IL1RAPL1: variants seen among roughly 807,000 people sequenced by gnomAD.
IL1RAPL1 encodes interleukin-1 receptor accessory protein-like 1.
In IL1RAPL1, 3 loss-of-function variants were observed where a neutral mutation model predicts 48.4. That is an observed-to-expected ratio of 0.06 (90% CI 0.03 to 0.16). The LOEUF (loss-of-function observed/expected upper bound fraction) is 0.16. IL1RAPL1 is among the 10% of genes least tolerant of loss of function. IL1RAPL1 has a pLI of 1.00. For missense variants in IL1RAPL1, 349 were observed against 530.6 expected, an observed-to-expected ratio of 0.66 and a Z score of 3.36; for synonymous variants, 185 against 187.7, an observed-to-expected ratio of 0.99 and a Z score of 0.12.
At chrX:29,407,996 A>G (rs1431140564) in intron 5 of IL1RAPL1, among the ~76,000 whole-genome samples, 2 of 112,095 alleles carry the variant, frequency 1.8e-5, no homozygotes, top group Non-Finnish European at 3.8e-5. Context: ...ATACATTGCC[A>G]TATCCTAGGA....
chrX:29,714,332 A>G (rs1425768481), intron 6 of IL1RAPL1, among the ~76,000 whole-genome samples: 1 of 112,206 alleles, frequency 8.9e-6, no homozygotes, highest in African/African-American at 3.2e-5. Flanking sequence ...TTGTCAAGCT[A>G]TAAGAGATTA....
intron 6 of IL1RAPL1, among the ~76,000 whole-genome samples, chrX:29,835,172 A>AT (rs1295693097): frequency 1.8e-5 from 2 of 112,138 alleles, no homozygotes; most frequent in African/African-American, 6.5e-5. Flanking sequence ...AAAGCACTTC[A>AT]TTCCCCAAAT....
intron 5 of IL1RAPL1, among the ~76,000 whole-genome samples, chrX:29,514,905 T>C (rs1316810998): frequency 3.5e-5 from 4 of 112,844 alleles, no homozygotes; most frequent in African/African-American, 1.3e-4. Context: ...TTTAATGCCA[T>C]AACCTTGATA....
At chrX:29,691,999 T>G (rs1926787850) in intron 6 of IL1RAPL1, among the ~76,000 whole-genome samples, 2 of 112,589 alleles carry the variant, frequency 1.8e-5, no homozygotes, top group Admixed American at 1.9e-4. Flanking sequence ...GTGTGTGTTT[T>G]GTATTTCATT....
chrX:29,163,880 G>T (rs1257963999), intron 2 of IL1RAPL1, among the ~76,000 whole-genome samples: 1 of 111,496 alleles, frequency 9.0e-6, no homozygotes, highest in Non-Finnish European at 1.9e-5. Context: ...AACTGGCTTT[G>T]AATATGTTTG....
At chrX:28,772,360 G>A (rs1029931655) in intron 1 of IL1RAPL1, among the ~76,000 whole-genome samples, 1 of 111,302 alleles carries the variant, frequency 9.0e-6, no homozygotes, top group African/African-American at 3.3e-5. Flanking sequence ...CTCAAAATTA[G>A]CTTTTCTGCT....
chrX:29,285,425 G>T (rs761830101), intron 3 of IL1RAPL1, among the ~76,000 whole-genome samples: 2 of 104,033 alleles, frequency 1.9e-5, no homozygotes, highest in African/African-American at 7.0e-5. Flanking sequence ...CCAGCTACTC[G>T]GGAGGCTGAG....
At chrX:29,448,021 A>G (rs181742106) in intron 5 of IL1RAPL1, among the ~76,000 whole-genome samples, 63 of 111,933 alleles carry the variant, frequency 5.6e-4, no homozygotes, top group Non-Finnish European at 3.2e-4. Flanking sequence ...AAGTACATTT[A>G]AAGTTCAGTA....
At chrX:29,166,276 T>C (rs1311653852) in intron 2 of IL1RAPL1, among the ~76,000 whole-genome samples, 1 of 112,601 alleles carries the variant, frequency 8.9e-6, no homozygotes, top group Non-Finnish European at 1.9e-5. Context: ...GTAATTATTT[T>C]AATAACTTCA....
At chrX:29,745,667 A>G (rs7880798) in intron 6 of IL1RAPL1, among the ~76,000 whole-genome samples, 55,378 of 106,999 alleles carry the variant, frequency 0.52, 11,791 homozygotes, top group African/African-American at 0.77. Flanking sequence ...GGCTGGTCTC[A>G]AACTCCTGAC....
chrX:29,140,170 C>G (rs1266116468), intron 2 of IL1RAPL1, among the ~76,000 whole-genome samples: 2 of 110,864 alleles, frequency 1.8e-5, no homozygotes, highest in African/African-American at 6.6e-5. Flanking sequence ...GGAACTAGGA[C>G]TAGAATTCAC....
intron 8 of IL1RAPL1, among the ~76,000 whole-genome samples, chrX:29,921,508 C>T (rs1932848045): frequency 1.8e-5 from 2 of 111,980 alleles, no homozygotes. Flanking sequence ...GAAAGGTATG[C>T]AGCAGCTAAC....
chrX:28,718,297 T>A (rs770547270), intron 1 of IL1RAPL1, among the ~76,000 whole-genome samples: 1 of 111,950 alleles, frequency 8.9e-6, no homozygotes, highest in Non-Finnish European at 1.9e-5. Context: ...ATGTTCTTTA[T>A]TCATTTTTCA....
At chrX:29,029,679 C>T (rs1224043655) in intron 2 of IL1RAPL1, among the ~76,000 whole-genome samples, 1 of 111,660 alleles carries the variant, frequency 9.0e-6, no homozygotes, top group Non-Finnish European at 1.9e-5. Flanking sequence ...AATATTTTCT[C>T]CCATTTTTCA....
chrX:29,562,489 G>A (rs996782641), intron 5 of IL1RAPL1, among the ~76,000 whole-genome samples: 1 of 110,861 alleles, frequency 9.0e-6, no homozygotes, highest in African/African-American at 3.3e-5. Context: ...TAAGAAAAAA[G>A]TATAAAATTA....
intron 5 of IL1RAPL1, among the ~76,000 whole-genome samples, chrX:29,579,664 A>G (rs1393469143): frequency 8.9e-6 from 1 of 111,867 alleles, no homozygotes; most frequent in African/African-American, 3.2e-5. Context: ...CTCCTTCATG[A>G]ACTTTTGGAA....
chrX:29,611,834 G>A (rs1274513357), intron 5 of IL1RAPL1, among the ~76,000 whole-genome samples: 1 of 110,821 alleles, frequency 9.0e-6, no homozygotes, highest in African/African-American at 3.3e-5. Flanking sequence ...GCTCGAAAGG[G>A]TATGGACTGG....
At chrX:29,393,195 C>G in intron 3 of IL1RAPL1, among the ~76,000 whole-genome samples, 1 of 111,676 alleles carries the variant, frequency 9.0e-6, no homozygotes, top group Non-Finnish European at 1.9e-5. Flanking sequence ...GATCTCGGCT[C>G]ACTGCAAGCT....
At chrX:28,954,635 G>A (rs759595127) in intron 2 of IL1RAPL1, among the ~76,000 whole-genome samples, 3 of 110,643 alleles carry the variant, frequency 2.7e-5, no homozygotes, top group African/African-American at 9.8e-5. Flanking sequence ...GTCTATCTGT[G>A]TGTGACTGAA....
Sources: gnomAD v4.1 joint callset for allele counts (sites outside exome capture counted in the v4.1 genomes callset) on GRCh38, gnomAD v4.1.1 for gene constraint, MANE v1.5 for transcripts, NCBI Gene and HGNC (gene_info 2026-07-23, HGNC 2026-07-21) for gene names.